PUM1: variants seen among roughly 807,000 people sequenced by gnomAD.
PUM1 encodes pumilio homolog 1.
PUM1 carries 13 observed loss-of-function variants against 131.8 expected under a neutral mutation model. The observed-to-expected ratio is 0.10, with a 90% confidence interval of 0.06 to 0.16. The LOEUF is 0.16. PUM1 is among the 10% of genes least tolerant of loss of function. PUM1 has a pLI of 1.00. For missense variants in PUM1, 961 were observed against 1,512.4 expected (o/e 0.64, Z 6.05); for synonymous variants, 509 against 556.5 (o/e 0.91, Z 1.20).
At chr1:31,022,843 T>C (rs1643080743) in intron 3 of PUM1, among the ~76,000 whole-genome samples, 1 of 152,302 alleles carries the variant, frequency 6.6e-6, no homozygotes, top group African/African-American at 2.4e-5. Context: ...TTAAGGGAAC[T>C]AGGGTGTTTT....
Position 30,966,105 on chromosome 1 carries a change from A to G in PUM1, c.1963T>C (p.Ser655Pro). 1.2e-6 allele frequency: 2 copies of G among 1,614,104 alleles called. No individual in the cohort carries two copies. The highest frequency in any genetic ancestry group is 1.7e-6 in the Non-Finnish European group (2 of 1,180,012). The change falls in exon 13 of 22, where the codon TCA (serine) becomes CCA (proline). Residue 655 changes from serine (S) to proline (P), a missense_variant. Coordinates refer to ENST00000426105, the MANE Select transcript of PUM1 (RefSeq NM_001020658.2). ...TGGGAGAAGAGGGAGCTGCTCTGTG[A>G]ATTGCTGTTCAGAGAGTTGTTGCCG... ...FYGNNSLNSN[S>P]QSSSLFSQGS...
chr1:31,026,413 TAA>T (rs1353741703), intron 3 of PUM1, among the ~76,000 whole-genome samples: 2 of 152,174 alleles, frequency 1.3e-5, no homozygotes, highest in African/African-American at 2.4e-5. Context: ...CCTCCTCCAT[TAA>T]AGTCTAACTA....
chr1:30,950,043 G>A (rs1639862766), intron 17 of PUM1, 84 bp downstream of exon 17: 1 of 1,459,108 alleles, frequency 6.9e-7, no homozygotes, highest in Non-Finnish European at 9.2e-7. Flanking sequence ...AAAGAAAACT[G>A]AAAATTGACA....
intron 3 of PUM1, among the ~76,000 whole-genome samples, chr1:31,016,375 GT>G (rs1034231905): frequency 2.6e-5 from 4 of 152,044 alleles, no homozygotes; most frequent in African/African-American, 9.7e-5. Flanking sequence ...TCACAAGCCA[GT>G]TTTTTTAATT....
At chr1:30,962,774 G>T (rs1640470646) in intron 14 of PUM1, among the ~76,000 whole-genome samples, 1 of 152,060 alleles carries the variant, frequency 6.6e-6, no homozygotes, top group South Asian at 2.1e-4. Context: ...TTTACATTTT[G>T]TCTGTGGTTG....
chr1:31,032,192 T>C (rs1382319062), intron 2 of PUM1, among the ~76,000 whole-genome samples: 2 of 152,214 alleles, frequency 1.3e-5, no homozygotes, highest in Non-Finnish European at 2.9e-5. Flanking sequence ...AACTTATTTA[T>C]TCATACTGGG....
chr1:31,001,065 T>C (rs1642192775), intron 5 of PUM1, among the ~76,000 whole-genome samples: 1 of 152,090 alleles, frequency 6.6e-6, no homozygotes, highest in Admixed American at 6.5e-5. Flanking sequence ...TGGGCGCCTG[T>C]AGTCCCAGCT....
intron 3 of PUM1, among the ~76,000 whole-genome samples, chr1:31,017,855 T>A (rs952283691): frequency 2.0e-5 from 3 of 152,170 alleles, no homozygotes; most frequent in African/African-American, 7.2e-5. Flanking sequence ...TTATAAAATT[T>A]ATCTTTAAAA....
chr1:30,957,841 G>A (rs1384396155), intron 14 of PUM1, among the ~76,000 whole-genome samples: 1 of 152,132 alleles, frequency 6.6e-6, no homozygotes, highest in African/African-American at 2.4e-5. Context: ...AAGCAACAAT[G>A]TTCATCAAAA....
chr1:30,995,309 A>C, intron 5 of PUM1, 89 bp from the exon 6 acceptor site: 2 of 1,370,748 alleles, frequency 1.5e-6, no homozygotes, highest in Non-Finnish European at 2.1e-6. Context: ...ACTAGATGCT[A>C]CTCAGAAGAG....
intron 13 of PUM1, among the ~76,000 whole-genome samples, 175 bp from the exon 14 acceptor site, chr1:30,965,085 T>C (rs1640565796): frequency 6.6e-6 from 1 of 152,144 alleles, no homozygotes; most frequent in Non-Finnish European, 1.5e-5. Flanking sequence ...AAAGAGGACA[T>C]GGCTCAGGTT....
chr1:30,941,120 G>A (rs1188168708), intron 20 of PUM1, 31 bp downstream of exon 20: 4 of 1,590,344 alleles, frequency 2.5e-6, no homozygotes, highest in Non-Finnish European at 3.4e-6. Flanking sequence ...CTCTCTTCTG[G>A]GAAATAGTCC....
intron 2 of PUM1, among the ~76,000 whole-genome samples, chr1:31,033,054 AAAG>A (rs1643486624): frequency 1.4e-5 from 2 of 147,438 alleles, no homozygotes; most frequent in African/African-American, 5.0e-5. Flanking sequence ...AAATACAAAA[AAAG>A]AAAAAAAAAA....
intron 21 of PUM1, chr1:30,935,596 C>A (rs993283654): frequency 1.1e-5 from 5 of 451,820 alleles, no homozygotes; most frequent in African/African-American, 4.0e-5. Flanking sequence ...ACTTTAAGAA[C>A]CTGGGACTCC....
chr1:30,977,943 A>C (rs1349758048), intron 9 of PUM1, among the ~76,000 whole-genome samples: 1 of 152,216 alleles, frequency 6.6e-6, no homozygotes, highest in African/African-American at 2.4e-5. Flanking sequence ...GTGTGACTTC[A>C]AATGAGACAG....
rs1643306788 is a variant in PUM1, at chr1:31,028,661, T to A, written c.432+135A>T. 3.8e-6 allele frequency: 3 copies of A among 797,256 alleles called. No individual in the cohort carries two copies. In the East Asian group the frequency reaches 7.3e-5, roughly 19 times the overall value. 49.4% of individuals were successfully genotyped at this position (797,256 alleles called of 1,614,324 possible). A position where few individuals can be genotyped will look rare whatever the true frequency, so the allele number is the denominator to read the frequency against. On this transcript the variant is annotated intron_variant, in intron 3 of 21. Transcript: ENST00000426105. ...TTTGGCAAAATTCTCCAGCATCCCGTTCCTATCATGAGAATGGCAACAAGG... is the reference window on the plus strand; with the variant it reads ...TTTGGCAAAATTCTCCAGCATCCCGATCCTATCATGAGAATGGCAACAAGG...
At chr1:30,942,191 T>TTTATATA (rs1425100677) in intron 18 of PUM1, 68 bp from the exon 19 acceptor site, 2 of 143,386 alleles carry the variant, frequency 1.4e-5, no homozygotes. Flanking sequence ...TCAGTATTGT[T>TTTATATA]TATATATATA....
chr1:30,943,009 G>A (rs946863717), intron 18 of PUM1, among the ~76,000 whole-genome samples: 17 of 152,082 alleles, frequency 1.1e-4, no homozygotes, highest in Non-Finnish European at 2.4e-4. Context: ...TCCCACCTTG[G>A]CCTCCCAAAG....
At chr1:30,976,936 C>A (rs1193128021) in intron 9 of PUM1, among the ~76,000 whole-genome samples, 5 of 151,726 alleles carry the variant, frequency 3.3e-5, no homozygotes, top group Non-Finnish European at 5.9e-5. Flanking sequence ...AAAAAACACA[C>A]AAAAAAGACC....
Sources: allele counts gnomAD v4.1 joint callset (sites outside exome capture counted in the v4.1 genomes callset), GRCh38; gene constraint gnomAD v4.1.1; transcripts MANE v1.5; gene names NCBI Gene and HGNC (gene_info 2026-07-23, HGNC 2026-07-21).